The following ZNF385D variants were observed in gnomAD, a reference collection of about 807,000 sequenced individuals.
ZNF385D encodes the protein zinc finger protein 659.
A neutral mutation model predicts 35.8 loss-of-function variants in ZNF385D; 15 were observed. The ratio of observed to expected loss-of-function variants is 0.42; its 90% CI spans 0.28 to 0.64. The LOEUF (loss-of-function observed/expected upper bound fraction) is 0.64. Among genes scored for constraint, ZNF385D ranks in the 30% least tolerant of loss-of-function variants. ZNF385D has a pLI of 0.23. For missense variants in ZNF385D, 474 were observed against 494.6 expected (o/e 0.96, Z 0.39); for synonymous variants, 212 against 186.8 (o/e 1.13, Z -1.10).
intron 3 of ZNF385D, among the ~76,000 whole-genome samples, chr3:21,944,301 T>C (rs1701672138): frequency 6.6e-6 from 1 of 152,236 alleles, no homozygotes; most frequent in Non-Finnish European, 1.5e-5. Context: ...TCTTGCCTTC[T>C]TGTTTTACCA....
intron 2 of ZNF385D, among the ~76,000 whole-genome samples, chr3:22,364,251 T>C (rs539625140): frequency 2.0e-5 from 3 of 151,966 alleles, no homozygotes; most frequent in Non-Finnish European, 4.4e-5. Context: ...TGACAAAAAA[T>C]AGACAAATAG....
intron 4 of ZNF385D, among the ~76,000 whole-genome samples, chr3:21,502,688 CT>C (rs747041541): frequency 1.3e-5 from 2 of 152,148 alleles, no homozygotes; most frequent in Non-Finnish European, 2.9e-5. Context: ...TAAGGTTTAG[CT>C]TTTTCCCCCA....
intron 2 of ZNF385D, among the ~76,000 whole-genome samples, chr3:21,564,887 A>G (rs2063088198): frequency 6.6e-6 from 1 of 152,188 alleles, no homozygotes; most frequent in Non-Finnish European, 1.5e-5. Context: ...ATGATAAGGA[A>G]ATGATAAATT....
At chr3:22,020,962 T>C (rs1269280476) in intron 3 of ZNF385D, among the ~76,000 whole-genome samples, 1 of 151,982 alleles carries the variant, frequency 6.6e-6, no homozygotes, top group Non-Finnish European at 1.5e-5. Context: ...GATGAAATTA[T>C]GTCTTTTGCA....
At chr3:21,564,902 C>T (rs2303372) in intron 2 of ZNF385D, among the ~76,000 whole-genome samples, 1 of 152,068 alleles carries the variant, frequency 6.6e-6, no homozygotes, top group Non-Finnish European at 1.5e-5. Context: ...TAAATTTACC[C>T]ATTAGAGTCT....
intron 3 of ZNF385D, among the ~76,000 whole-genome samples, chr3:22,122,863 T>A (rs1351708135): frequency 6.6e-6 from 1 of 152,128 alleles, no homozygotes; most frequent in Non-Finnish European, 1.5e-5. Context: ...CAAGCTTCCT[T>A]TGCATTGGCA....
At chr3:21,591,026 C>T (rs893415640) in intron 2 of ZNF385D, among the ~76,000 whole-genome samples, 1 of 151,638 alleles carries the variant, frequency 6.6e-6, no homozygotes, top group Non-Finnish European at 1.5e-5. Context: ...AAGACCTTGT[C>T]TCCCCAAAAA....
intron 2 of ZNF385D, among the ~76,000 whole-genome samples, chr3:21,618,982 A>G (rs972142182): frequency 3.3e-5 from 5 of 152,158 alleles, no homozygotes; most frequent in Admixed American, 6.6e-5. Context: ...CAGTTCTTCA[A>G]CTGGGCCTGC....
In ZNF385D at chr3:21,483,639, A is replaced by G. The variant is rs748252597; in HGVS notation, c.439+27222T>C. ...AATAGGTGTGTAGAGGTATCTTATAATGTGCTGATTTGCATTTCCCTGATA... is the reference window on the plus strand; with the variant it reads ...AATAGGTGTGTAGAGGTATCTTATAGTGTGCTGATTTGCATTTCCCTGATA... On this transcript the variant is annotated intron_variant, in intron 4 of 7. Transcript: ENST00000281523. Among the ~76,000 whole-genome samples the G allele has an allele frequency of 4.6e-5, 7 of 152,238 alleles. No homozygotes were observed. The South Asian group carries it at 8.3e-4, about 18-fold the overall frequency.
chr3:21,598,902 T>A (rs1479268620), intron 2 of ZNF385D, among the ~76,000 whole-genome samples: 1 of 152,152 alleles, frequency 6.6e-6, no homozygotes, highest in Non-Finnish European at 1.5e-5. Context: ...AAATGTTACA[T>A]TGGGATCATC....
chr3:22,311,326 CT>C (rs1703536396), intron 2 of ZNF385D, among the ~76,000 whole-genome samples: 1 of 151,900 alleles, frequency 6.6e-6, no homozygotes, highest in Non-Finnish European at 1.5e-5. Flanking sequence ...GAGTGTGATT[CT>C]TTTTCTCTCC....
At chr3:21,796,545 C>CA (rs199588631) in intron 3 of ZNF385D, among the ~76,000 whole-genome samples, 1 of 151,364 alleles carries the variant, frequency 6.6e-6, no homozygotes, top group South Asian at 2.1e-4. Flanking sequence ...TATCCACATG[C>CA]AAAAAAAATT....
At chr3:22,271,321 T>A (rs1434694081) in intron 2 of ZNF385D, among the ~76,000 whole-genome samples, 2 of 152,100 alleles carry the variant, frequency 1.3e-5, no homozygotes, top group Admixed American at 1.3e-4. Flanking sequence ...AGAAGACTAA[T>A]TTGGATTCAT....
intron 4 of ZNF385D, among the ~76,000 whole-genome samples, chr3:21,438,044 A>G (rs1055758242): frequency 2.0e-5 from 3 of 152,168 alleles, no homozygotes. Context: ...TTCTGGCTCT[A>G]AAGTCTGATG....
At chr3:22,173,364 C>T (rs1399608345) in intron 2 of ZNF385D, among the ~76,000 whole-genome samples, 1 of 151,948 alleles carries the variant, frequency 6.6e-6, no homozygotes, top group Non-Finnish European at 1.5e-5. Context: ...ATAAATGTAC[C>T]GTATTTACAA....
At chr3:21,782,131 G>C (rs1035934838) in intron 3 of ZNF385D, among the ~76,000 whole-genome samples, 2 of 152,068 alleles carry the variant, frequency 1.3e-5, no homozygotes, top group African/African-American at 4.8e-5. Context: ...AATTCATTCA[G>C]AGACAATGCT....
At chr3:21,439,853 T>A (rs760929695) in intron 4 of ZNF385D, among the ~76,000 whole-genome samples, 4 of 152,032 alleles carry the variant, frequency 2.6e-5, no homozygotes, top group African/African-American at 9.7e-5. Context: ...GAGACAGGCT[T>A]AGGGGAATTA....
chr3:21,871,731 C>T (rs541594653), intron 3 of ZNF385D, among the ~76,000 whole-genome samples: 3 of 152,186 alleles, frequency 2.0e-5, no homozygotes, highest in South Asian at 4.1e-4. Flanking sequence ...CCAGGCCGGG[C>T]GCAGTGGCTC....
At chr3:21,752,448 C>T (rs2070146566), upstream of ZNF385D, among the ~76,000 whole-genome samples, 1 of 151,846 alleles carries the variant, frequency 6.6e-6, no homozygotes, top group Non-Finnish European at 1.5e-5. Context: ...TATAGCATTT[C>T]CTTACGCGAT....
Sources: gnomAD v4.1 joint callset for allele counts (sites outside exome capture counted in the v4.1 genomes callset) on GRCh38, gnomAD v4.1.1 for gene constraint, MANE v1.5 for transcripts, NCBI Gene and HGNC (gene_info 2026-07-23, HGNC 2026-07-21) for gene names.